Variants in ENOX1 observed in about 807,000 individuals in gnomAD.
The protein encoded by ENOX1 is candidate growth-related and time keeping constitutive hydroquinone (NADH) oxidase.
In ENOX1, 42 loss-of-function variants were observed where a neutral mutation model predicts 82.5. The observed-to-expected ratio is 0.51, with a 90% CI of 0.40 to 0.66. ENOX1 has a LOEUF of 0.66. Among genes scored for constraint, ENOX1 ranks in the 30% least tolerant of loss-of-function variants. ENOX1 has a pLI of 0.00. For missense variants in ENOX1, 608 were observed against 811.6 expected (o/e 0.75, Z 3.05); for synonymous variants, 271 against 282.2 (o/e 0.96, Z 0.40).
At chr13:43,215,196 C>T (rs1030575892) in intron 16 of ENOX1, among the ~76,000 whole-genome samples, 1 of 152,082 alleles carries the variant, frequency 6.6e-6, no homozygotes, top group Non-Finnish European at 1.5e-5. Flanking sequence ...CCAAATAGAC[C>T]AAGAAGTCAA....
rs1221309602 is a variant in ENOX1, at chr13:43,681,804, T to G, written c.-284-14260A>C. Among the ~76,000 whole-genome samples, 3 of 151,870 alleles carry G rather than the reference T, an allele frequency of 2.0e-5. No individual in the cohort carries two copies. In the East Asian group the frequency reaches 5.8e-4, roughly 29 times the overall value. On this transcript the variant is annotated intron_variant, in intron 1 of 16. Transcript: ENST00000690772. Reference sequence around the variant, plus strand: ...CTGGCCTGTTTAGGAGAAGGAGATATTAAATATTAAAAGGCTCTTCTAATA... The same window carrying G: ...CTGGCCTGTTTAGGAGAAGGAGATAGTAAATATTAAAAGGCTCTTCTAATA...
At chr13:43,344,136 G>A (rs1466850579) in intron 9 of ENOX1, among the ~76,000 whole-genome samples, 1 of 152,182 alleles carries the variant, frequency 6.6e-6, no homozygotes, top group Non-Finnish European at 1.5e-5. Flanking sequence ...AGAGCCCAAG[G>A]AAAATGTGTT....
Position 43,765,329 on chromosome 13 carries a change from A to T in ENOX1, c.-285+21323T>A, listed in dbSNP as rs114330399. Among the ~76,000 whole-genome samples, 887 of 152,236 alleles carry T rather than the reference A, an allele frequency of 5.8e-3. 4 individuals are homozygous for T. The highest frequency in any genetic ancestry group is 0.02 in the African/African-American group (844 of 41,536). On this transcript the variant is annotated intron_variant, in intron 1 of 16. Coordinates refer to ENST00000690772, the MANE Select transcript of ENOX1 (RefSeq NM_001347969.2). ...CAAGCCTCATCTTCCTGTACTCTCC[A>T]CATGTTCTCAACATCCCACCCACTT...
chr13:43,515,903 C>T (rs2077542607), intron 2 of ENOX1, among the ~76,000 whole-genome samples: 1 of 152,162 alleles, frequency 6.6e-6, no homozygotes, highest in African/African-American at 2.4e-5. Flanking sequence ...TGGACACTTC[C>T]TGGATGTCCA....
chr13:43,342,037 G>A lies in ENOX1; in HGVS notation c.1036+2501C>T, dbSNP rs79070630. Among the ~76,000 whole-genome samples, 461 of 152,268 alleles carry A rather than the reference G, an allele frequency of 3.0e-3. 4 individuals carry two copies. Among genetic ancestry groups the A allele is most frequent in the East Asian group, 0.024 (123 of 5,180 alleles). ...GGCAGGCGAAGCAGCAGCAACCATC[G>A]TAGACAACTATCCAGGTAAAGCGAA... On this transcript the variant is annotated intron_variant, in intron 9 of 16. Coordinates refer to ENST00000690772, the MANE Select transcript of ENOX1 (RefSeq NM_001347969.2).
chr13:43,284,771 G>GGT (rs72187459), intron 12 of ENOX1, among the ~76,000 whole-genome samples: 2,343 of 143,712 alleles, frequency 0.016, 47 homozygotes, highest in African/African-American at 0.044. Flanking sequence ...ATTTGTTAAA[G>GGT]GTGTGTGTGT....
chr13:43,566,876 T>A (rs2079944433), intron 2 of ENOX1, among the ~76,000 whole-genome samples: 1 of 152,240 alleles, frequency 6.6e-6, no homozygotes, highest in African/African-American at 2.4e-5. Context: ...GGGCATGCCA[T>A]TATTATTTTC....
chr13:43,293,786 C>A (rs2046141960), intron 12 of ENOX1, among the ~76,000 whole-genome samples: 1 of 152,174 alleles, frequency 6.6e-6, no homozygotes, highest in African/African-American at 2.4e-5. Context: ...ATTCCAAAGT[C>A]TGACTCTTAC....
In ENOX1 at chr13:43,236,680, T is replaced by C. The variant is rs369595948; in HGVS notation, c.1670A>G (p.Lys557Arg). The change falls in exon 15 of 17, where the codon AAA becomes AGA. Residue 557 changes from lysine (K) to arginine (R), a missense_variant. Lys to Arg is a conservative substitution (Grantham distance 26, BLOSUM62 2). Coordinates refer to ENST00000690772, the MANE Select transcript of ENOX1 (RefSeq NM_001347969.2). ...VNQDRENNIEKRSQGLKSEKE... is the reference protein window; with the variant it reads ...VNQDRENNIERRSQGLKSEKE... ...CTCTGATTTTAAGCCTTGGCTTCTT[T>C]TCTCAATATTGTTCTCTCGGTCTTG... 3 of 1,589,254 alleles carry C rather than the reference T, an allele frequency of 1.9e-6. No homozygotes were observed. Among genetic ancestry groups the C allele is most frequent in the Non-Finnish European group, 2.6e-6 (3 of 1,173,898 alleles).
chr13:43,627,880 G>A (rs1374843555), intron 2 of ENOX1, among the ~76,000 whole-genome samples: 1 of 151,826 alleles, frequency 6.6e-6, no homozygotes, highest in Non-Finnish European at 1.5e-5. Flanking sequence ...AATTCCACTG[G>A]GTTTAGAATT....
At chr13:43,678,267 CA>C (rs919381540) in intron 1 of ENOX1, among the ~76,000 whole-genome samples, 11 of 151,974 alleles carry the variant, frequency 7.2e-5, no homozygotes, top group Non-Finnish European at 1.5e-4. Context: ...CTATAAAACT[CA>C]AAAAAATTCC....
At chr13:43,393,130 T>C (rs779654164) in intron 5 of ENOX1, among the ~76,000 whole-genome samples, 2 of 152,212 alleles carry the variant, frequency 1.3e-5, no homozygotes, top group African/African-American at 4.8e-5. Flanking sequence ...ATGTGAAGCA[T>C]TGTATTTTTT....
intron 5 of ENOX1, among the ~76,000 whole-genome samples, chr13:43,385,715 AG>A (rs2052367043): frequency 6.6e-6 from 1 of 152,220 alleles, no homozygotes; most frequent in Non-Finnish European, 1.5e-5. Context: ...TCAACTTTTT[AG>A]GATTAAACAC....
chr13:43,408,116 G>A (rs771064552), intron 5 of ENOX1, among the ~76,000 whole-genome samples: 3 of 152,186 alleles, frequency 2.0e-5, no homozygotes, highest in Non-Finnish European at 4.4e-5. Context: ...GAATCACGGT[G>A]AGAGGAACAT....
chr13:43,635,759 G>A (rs558417517), intron 2 of ENOX1, among the ~76,000 whole-genome samples: 1 of 152,268 alleles, frequency 6.6e-6, no homozygotes, highest in East Asian at 1.9e-4. Context: ...GAGAGATAAA[G>A]GAGAGGGAGA....
intron 3 of ENOX1, among the ~76,000 whole-genome samples, chr13:43,444,538 C>T (rs775712503): frequency 5.9e-5 from 9 of 152,096 alleles, no homozygotes; most frequent in Non-Finnish European, 8.8e-5. Flanking sequence ...TGAAGATGGC[C>T]GGTAAATGGC....
chr13:43,660,727 T>G (rs1014395491), intron 2 of ENOX1, among the ~76,000 whole-genome samples: 1 of 152,248 alleles, frequency 6.6e-6, no homozygotes, highest in East Asian at 1.9e-4. Flanking sequence ...CAAGGAAGAA[T>G]GGTAAAAGGC....
intron 2 of ENOX1, among the ~76,000 whole-genome samples, chr13:43,541,324 C>A (rs890280957): frequency 2.0e-5 from 3 of 151,400 alleles, no homozygotes; most frequent in Non-Finnish European, 4.4e-5. Context: ...GACAGTGAGA[C>A]CTCATCTCTA....
intron 2 of ENOX1, among the ~76,000 whole-genome samples, chr13:43,530,715 G>C (rs1047994711): frequency 9.9e-5 from 15 of 151,990 alleles, no homozygotes; most frequent in African/African-American, 3.4e-4. Context: ...TCAAGAACAG[G>C]AATTTGCCAA....
Sources: gnomAD v4.1 joint callset for allele counts (sites outside exome capture counted in the v4.1 genomes callset) on GRCh38, gnomAD v4.1.1 for gene constraint, MANE v1.5 for transcripts, NCBI Gene and HGNC (gene_info 2026-07-23, HGNC 2026-07-21) for gene names.